Variants in WWOX observed in about 807,000 individuals in gnomAD.
The protein encoded by WWOX is WW domain containing oxidoreductase.
In WWOX, 69 loss-of-function variants were observed where a neutral mutation model predicts 46.2. The ratio of observed to expected loss-of-function variants is 1.49; its 90% CI spans 1.23 to 1.82. The LOEUF is 1.82. Among genes scored for constraint, WWOX ranks in the 40% most tolerant of loss-of-function variants. The pLI is 0.00. For missense variants in WWOX, 919 were observed against 542.6 expected (o/e 1.69, Z -6.89); for synonymous variants, 359 against 202.6 (o/e 1.77, Z -6.56).
chr16:78,977,057 C>T (rs531342596), intron 8 of WWOX, among the ~76,000 whole-genome samples: 17 of 152,268 alleles, frequency 1.1e-4, no homozygotes, highest in Middle Eastern at 3.4e-3. Context: ...CTGAGGCTCA[C>T]GCACACGTCA....
chr16:78,509,820 C>T (rs370232322), intron 8 of WWOX, among the ~76,000 whole-genome samples: 184 of 151,752 alleles, frequency 1.2e-3, no homozygotes, highest in African/African-American at 4.3e-3. Context: ...TTGAGGAAGC[C>T]GTGTGGCTCA....
At chr16:79,166,660 A>G (rs1345885869) in intron 8 of WWOX, among the ~76,000 whole-genome samples, 2 of 152,168 alleles carry the variant, frequency 1.3e-5, no homozygotes, top group African/African-American at 2.4e-5. Context: ...ATTTCATTTA[A>G]TAGAATGAGC....
intron 8 of WWOX, among the ~76,000 whole-genome samples, chr16:78,487,410 G>C (rs1239915068): frequency 2.6e-5 from 4 of 152,094 alleles, no homozygotes; most frequent in African/African-American, 9.7e-5. Context: ...ATCTATTAAG[G>C]ATGAGTCCAC....
At chr16:78,948,544 T>C (rs1439998072) in intron 8 of WWOX, among the ~76,000 whole-genome samples, 2 of 152,098 alleles carry the variant, frequency 1.3e-5, no homozygotes, top group African/African-American at 4.8e-5. Flanking sequence ...GATTGGTAGG[T>C]GCCCATGACA....
chr16:78,497,936 C>G (rs117945879), intron 8 of WWOX, among the ~76,000 whole-genome samples: 7,767 of 151,902 alleles, frequency 0.051, 255 homozygotes, highest in Non-Finnish European at 0.076. Context: ...GGAGCAGTAG[C>G]TCACGCCTGT....
chr16:78,687,335 A>G (rs1022988663), intron 8 of WWOX, among the ~76,000 whole-genome samples: 1 of 152,212 alleles, frequency 6.6e-6, no homozygotes, highest in East Asian at 1.9e-4. Flanking sequence ...AGATTAAAGC[A>G]TTGTACCTAT....
chr16:78,835,889 C>T (rs1018244124), intron 8 of WWOX, among the ~76,000 whole-genome samples: 12 of 152,154 alleles, frequency 7.9e-5, no homozygotes, highest in Admixed American at 4.6e-4. Flanking sequence ...TGACTTTTTA[C>T]GTAAACAGAG....
intron 5 of WWOX, among the ~76,000 whole-genome samples, chr16:78,368,471 CA>C (rs1381446837): frequency 2.0e-5 from 3 of 152,136 alleles, no homozygotes; most frequent in Non-Finnish European, 4.4e-5. Flanking sequence ...GGCCTCTTTT[CA>C]ATGTGGTAAA....
At chr16:78,531,390 G>A (rs1175872991) in intron 8 of WWOX, among the ~76,000 whole-genome samples, 1 of 152,160 alleles carries the variant, frequency 6.6e-6, no homozygotes, top group African/African-American at 2.4e-5. Flanking sequence ...TGGTTGAATT[G>A]TGCACCCTGT....
At chr16:78,498,901 G>T (rs1459319905) in intron 8 of WWOX, among the ~76,000 whole-genome samples, 4 of 152,030 alleles carry the variant, frequency 2.6e-5, no homozygotes, top group South Asian at 2.1e-4. Flanking sequence ...CAACTTCCTC[G>T]ATTGTCTCTC....
At chr16:78,409,469 T>A (rs796951773) in intron 6 of WWOX, among the ~76,000 whole-genome samples, 9 of 152,288 alleles carry the variant, frequency 5.9e-5, no homozygotes, top group African/African-American at 1.9e-4. Context: ...ATATTCTGGG[T>A]GTCGCTTTTG....
intron 4 of WWOX, among the ~76,000 whole-genome samples, chr16:78,126,519 T>C (rs944950497): frequency 6.6e-6 from 1 of 152,228 alleles, no homozygotes; most frequent in African/African-American, 2.4e-5. Context: ...TGCATGACTA[T>C]TGGATATGTA....
intron 4 of WWOX, among the ~76,000 whole-genome samples, chr16:78,153,656 C>G (rs749381407): frequency 2.0e-5 from 3 of 151,918 alleles, no homozygotes; most frequent in Non-Finnish European, 4.4e-5. Context: ...TTTAATTGTG[C>G]CCAGTTACAA....
At chr16:78,836,862 G>C (rs1368748132) in intron 8 of WWOX, among the ~76,000 whole-genome samples, 3 of 152,130 alleles carry the variant, frequency 2.0e-5, no homozygotes, top group Non-Finnish European at 4.4e-5. Context: ...CTTAGCATAG[G>C]GGGCCAAGCA....
At chr16:78,592,915 C>T (rs540333549) in intron 8 of WWOX, among the ~76,000 whole-genome samples, 1 of 152,146 alleles carries the variant, frequency 6.6e-6, no homozygotes. Context: ...CTAACTTCTT[C>T]CCTTTTGAAG....
chr16:78,116,206 A>G (rs1176644982), intron 4 of WWOX, among the ~76,000 whole-genome samples: 2 of 151,878 alleles, frequency 1.3e-5, no homozygotes, highest in Non-Finnish European at 2.9e-5. Flanking sequence ...ATTATTAACT[A>G]TAATCAACTT....
chr16:78,503,060 C>G (rs746432042), intron 8 of WWOX, among the ~76,000 whole-genome samples: 6 of 152,188 alleles, frequency 3.9e-5, no homozygotes, highest in Non-Finnish European at 5.9e-5. Flanking sequence ...TTTGAGCCTT[C>G]TAACAACATT....
At chr16:78,632,177 G>C (rs769051031) in intron 8 of WWOX, among the ~76,000 whole-genome samples, 3 of 152,168 alleles carry the variant, frequency 2.0e-5, no homozygotes, top group Non-Finnish European at 2.9e-5. Context: ...CTCATATTAA[G>C]TGACAAGTTG....
At chr16:78,963,379 G>C (rs1299034574) in intron 8 of WWOX, among the ~76,000 whole-genome samples, 3 of 152,134 alleles carry the variant, frequency 2.0e-5, no homozygotes, top group Non-Finnish European at 4.4e-5. Flanking sequence ...TGAGGCAGGA[G>C]AATTGCTGGA....
Sources: allele counts gnomAD v4.1 joint callset (sites outside exome capture counted in the v4.1 genomes callset), GRCh38; gene constraint gnomAD v4.1.1; transcripts MANE v1.5; gene names NCBI Gene and HGNC (gene_info 2026-07-23, HGNC 2026-07-21).